The following DNAH8 variants were observed in gnomAD, a reference collection of about 807,000 sequenced individuals.
DNAH8 encodes the protein dynein axonemal heavy chain 8.
Under a neutral mutation model 562.1 loss-of-function variants are expected in DNAH8, and 382 were observed. The ratio of observed to expected loss-of-function variants is 0.68; its 90% CI spans 0.63 to 0.74. The LOEUF is 0.74. Among genes scored for constraint, DNAH8 ranks in the 30% least tolerant of loss-of-function variants. DNAH8 has a pLI of 0.00. For missense variants in DNAH8, 5,203 were observed against 5,620.4 expected (o/e 0.93, Z 2.37); for synonymous variants, 1,881 against 1,919.4 (o/e 0.98, Z 0.52).
chr6:38,812,024 T>C (rs1361605579), intron 24 of DNAH8, among the ~76,000 whole-genome samples: 1 of 152,192 alleles, frequency 6.6e-6, no homozygotes, highest in Non-Finnish European at 1.5e-5. Flanking sequence ...GGAAAAGCCA[T>C]AGCTGCAGGA....
At chr6:39,019,413 T>C (rs1306266574) in intron 91 of DNAH8, among the ~76,000 whole-genome samples, 1 of 152,168 alleles carries the variant, frequency 6.6e-6, no homozygotes, top group Non-Finnish European at 1.5e-5. Flanking sequence ...AAGAAGATGT[T>C]GGTGGAGAGA....
chr6:38,810,902 A>C (rs1016412693), intron 24 of DNAH8, among the ~76,000 whole-genome samples: 2 of 152,088 alleles, frequency 1.3e-5, no homozygotes, highest in Non-Finnish European at 1.5e-5. Flanking sequence ...TTGCCCTCAT[A>C]CTTTCATAAC....
intron 42 of DNAH8, among the ~76,000 whole-genome samples, chr6:38,858,089 C>A (rs1269442332): frequency 1.3e-5 from 2 of 152,200 alleles, no homozygotes; most frequent in Non-Finnish European, 2.9e-5. Flanking sequence ...AGAGCACTCT[C>A]ACGGCTGTTC....
intron 48 of DNAH8, 77 bp downstream of exon 48, chr6:38,868,273 C>A (rs984610206): frequency 2.1e-6 from 3 of 1,403,972 alleles, no homozygotes; most frequent in Admixed American, 2.0e-5. Context: ...TAGAGGTAGG[C>A]TGATGTTGAG....
intron 48 of DNAH8, among the ~76,000 whole-genome samples, chr6:38,868,948 C>T (rs887228596): frequency 6.6e-6 from 1 of 152,096 alleles, no homozygotes; most frequent in African/African-American, 2.4e-5. Flanking sequence ...GCTGGGATTA[C>T]AGGCATAAGC....
At chr6:38,809,113 G>A (rs1265768439) in intron 24 of DNAH8, among the ~76,000 whole-genome samples, 1 of 151,040 alleles carries the variant, frequency 6.6e-6, no homozygotes, top group African/African-American at 2.4e-5. Flanking sequence ...AAAAAAAATT[G>A]TGTTCCTTTT....
chr6:38,813,268 G>A (rs1771959369), intron 24 of DNAH8, among the ~76,000 whole-genome samples: 2 of 152,094 alleles, frequency 1.3e-5, no homozygotes, highest in African/African-American at 4.8e-5. Flanking sequence ...ATGAATTGAG[G>A]GGTTTTGTTT....
At chr6:38,818,048 C>T (rs566274327) in intron 26 of DNAH8, among the ~76,000 whole-genome samples, 7 of 151,994 alleles carry the variant, frequency 4.6e-5, no homozygotes, top group East Asian at 1.9e-4. Flanking sequence ...TTTATACTTT[C>T]GGGATTTAGA....
At chr6:38,750,660 A>C in intron 9 of DNAH8, 71 bp downstream of exon 9, 1 of 948,846 alleles carries the variant, frequency 1.1e-6, no homozygotes, top group Non-Finnish European at 1.6e-6. Context: ...AGCTACTCAG[A>C]AGGCTGAGGT....
At chr6:38,734,446 ACG>A in intron 4 of DNAH8, 26 bp from the exon 5 acceptor site, 4 of 1,610,590 alleles carry the variant, frequency 2.5e-6, no homozygotes, top group Non-Finnish European at 3.4e-6. Flanking sequence ...GTGTGATTAT[ACG>A]CTAAGTTCTT....
chr6:38,869,831 G>A (rs1167112700), intron 48 of DNAH8, among the ~76,000 whole-genome samples: 1 of 152,158 alleles, frequency 6.6e-6, no homozygotes, highest in African/African-American at 2.4e-5. Flanking sequence ...AGTAGACTGG[G>A]GCAGGATTGT....
intron 56 of DNAH8, 39 bp downstream of exon 56, chr6:38,884,037 G>A: frequency 7.8e-7 from 1 of 1,286,732 alleles, no homozygotes; most frequent in Admixed American, 2.6e-5. Flanking sequence ...TCCTGAATTT[G>A]TATTTTTATG....
Position 38,803,285 on chromosome 6 carries a change from A to G in DNAH8, c.3008A>G (p.Tyr1003Cys), listed in dbSNP as rs1770948657. 3.7e-6 allele frequency: 6 copies of G among 1,602,684 alleles called. No individual in the cohort carries two copies. The East Asian group carries it at 1.3e-4, about 36-fold the overall frequency. ...TTTGAGCAGATTTATGAAGTGAAAT[A>G]CACTGGGAAAGTAGGAAAACAGTCA... ...SIFEQIYEVK[Y>C]TGKVGKQSEQ... The change falls in exon 22 of 93, where the codon TAC (tyrosine) becomes TGC (cysteine). Residue 1003 changes from tyrosine (Y) to cysteine (C), a missense_variant. Around this residue, in one of 6 missense-constraint regions of DNAH8, gnomAD observed 2,176 missense variants for 2,365.1 expected, o/e 0.92. Transcript: ENST00000327475.
intron 22 of DNAH8, among the ~76,000 whole-genome samples, chr6:38,803,883 A>G (rs1456894787): frequency 6.6e-6 from 1 of 152,060 alleles, no homozygotes; most frequent in Non-Finnish European, 1.5e-5. Context: ...ACTCTCAAGG[A>G]AGAAAACATG....
chr6:38,946,297 T>C (rs751686108), intron 80 of DNAH8, among the ~76,000 whole-genome samples: 1 of 152,204 alleles, frequency 6.6e-6, no homozygotes, highest in African/African-American at 2.4e-5. Context: ...CAGAGCCTCA[T>C]GCTGTAATCA....
chr6:38,884,887 C>T (rs1778802682), intron 56 of DNAH8, among the ~76,000 whole-genome samples: 1 of 152,188 alleles, frequency 6.6e-6, no homozygotes, highest in African/African-American at 2.4e-5. Context: ...TGCCAGAAGT[C>T]CGCATGCTCC....
At chr6:39,017,272 G>T (rs1208032916) in intron 91 of DNAH8, among the ~76,000 whole-genome samples, 15 of 152,006 alleles carry the variant, frequency 9.9e-5, no homozygotes, top group Admixed American at 9.8e-4. Flanking sequence ...TTTCCCGAAG[G>T]TGCGCCTTTT....
chr6:38,939,938 G>A (rs1462373255), intron 79 of DNAH8, among the ~76,000 whole-genome samples: 1 of 152,202 alleles, frequency 6.6e-6, no homozygotes, highest in African/African-American at 2.4e-5. Flanking sequence ...CATCTAAGTT[G>A]TAAGAATCAG....
chr6:38,750,748 G>A (rs1290962245), intron 9 of DNAH8, among the ~76,000 whole-genome samples, 159 bp downstream of exon 9: 3 of 152,024 alleles, frequency 2.0e-5, no homozygotes, highest in Non-Finnish European at 4.4e-5. Context: ...TTGAGTGACA[G>A]AGCAAGAAGA....
Sources: gnomAD v4.1 joint callset for allele counts (sites outside exome capture counted in the v4.1 genomes callset) on GRCh38, gnomAD v4.1.1 for gene constraint, gnomAD v4.1.1 regional missense constraint, MANE v1.5 for transcripts, NCBI Gene and HGNC (gene_info 2026-07-23, HGNC 2026-07-21) for gene names.